WDR20: variants seen among roughly 807,000 people sequenced by gnomAD.
WDR20 encodes the protein WD repeat-containing protein 20.
A neutral mutation model predicts 38.7 loss-of-function variants in WDR20; 3 were observed. The observed-to-expected ratio is 0.08, with a 90% CI of 0.04 to 0.20. WDR20 has a LOEUF of 0.20. Ranked by LOEUF, WDR20 falls within the 10% of genes least tolerant of loss-of-function variation. The probability of loss-of-function intolerance (pLI) is 1.00; values close to 1 mark genes in which losing one functional copy is unlikely to be tolerated. For missense variants in WDR20, 559 were observed against 727.7 expected, an observed-to-expected ratio of 0.77 and a Z score of 2.67; for synonymous variants, 298 against 285.6, an observed-to-expected ratio of 1.04 and a Z score of -0.44.
intron 1 of WDR20, among the ~76,000 whole-genome samples, chr14:102,160,378 A>G (rs942281038): frequency 6.6e-6 from 1 of 152,126 alleles, no homozygotes; most frequent in Non-Finnish European, 1.5e-5. Flanking sequence ...TCCTCTAACT[A>G]TAGATAATAT....
At chr14:102,214,081 A>G (rs1359351348), downstream of WDR20, 3 of 985,464 alleles carry the variant, frequency 3.0e-6, no homozygotes, top group South Asian at 9.4e-5. Context: ...GGGTTGCACC[A>G]TGGCGGCGGT....
intron 1 of WDR20, among the ~76,000 whole-genome samples, chr14:102,174,507 C>T (rs1349535366): frequency 6.6e-6 from 1 of 152,232 alleles, no homozygotes; most frequent in Non-Finnish European, 1.5e-5. Flanking sequence ...GCAACCTCCA[C>T]CTCCTGGGTT....
intron 1 of WDR20, among the ~76,000 whole-genome samples, chr14:102,151,244 A>G (rs1243124135): frequency 2.1e-5 from 3 of 143,742 alleles, no homozygotes; most frequent in Non-Finnish European, 4.5e-5. Flanking sequence ...GAAGGGCTAC[A>G]GTAGAGCCTG....
upstream of WDR20, chr14:102,139,696 G>A (rs928553976): frequency 1.2e-5 from 8 of 684,560 alleles, no homozygotes; most frequent in East Asian, 1.4e-4. Flanking sequence ...CGGGGGAGGA[G>A]CCTGCGGACG....
intron 1 of WDR20, chr14:102,171,576 G>T (rs898349720): frequency 6.6e-6 from 1 of 151,858 alleles, no homozygotes; most frequent in Non-Finnish European, 1.5e-5. Context: ...GTCTTGTCTG[G>T]AGAGTAATTT....
chr14:102,150,493 G>A (rs1241760902), intron 1 of WDR20, among the ~76,000 whole-genome samples: 3 of 152,134 alleles, frequency 2.0e-5, no homozygotes, highest in Non-Finnish European at 4.4e-5. Context: ...GAATAATTCA[G>A]TAAGAGGGAA....
chr14:102,224,717 T>G, downstream of WDR20: 1 of 456,068 alleles, frequency 2.2e-6, no homozygotes, highest in Non-Finnish European at 4.4e-6. Context: ...AGTTACAGCT[T>G]GAGTTCTCAG....
chr14:102,180,107 T>G (rs1011688551), intron 1 of WDR20, among the ~76,000 whole-genome samples: 1 of 152,188 alleles, frequency 6.6e-6, no homozygotes, highest in East Asian at 1.9e-4. Flanking sequence ...CAGCTGAGAC[T>G]GCACTCCAGC....
intron 1 of WDR20, among the ~76,000 whole-genome samples, chr14:102,142,881 T>G (rs2051959923): frequency 6.7e-6 from 1 of 150,280 alleles, no homozygotes; most frequent in Non-Finnish European, 1.5e-5. Flanking sequence ...TCAACTTAAG[T>G]CTGTGTGTAA....
At chr14:102,183,712 G>A (rs937912874) in intron 1 of WDR20, among the ~76,000 whole-genome samples, 2 of 152,174 alleles carry the variant, frequency 1.3e-5, no homozygotes, top group Admixed American at 6.5e-5. Context: ...ACTTAGGGCC[G>A]TTTTCACTTA....
At chr14:102,191,722 T>TC (rs904692200) in intron 1 of WDR20, among the ~76,000 whole-genome samples, 2 of 152,218 alleles carry the variant, frequency 1.3e-5, no homozygotes, top group Non-Finnish European at 2.9e-5. Flanking sequence ...CTTCTGCTGT[T>TC]CCCGTTTGGT....
chr14:102,224,036 GAT>G (rs1491139992), downstream of WDR20, among the ~76,000 whole-genome samples: 5 of 139,442 alleles, frequency 3.6e-5, no homozygotes, highest in African/African-American at 1.3e-4. Context: ...GTTTACCTGA[GAT>G]TTTTTTTTTT....
intron 1 of WDR20, among the ~76,000 whole-genome samples, chr14:102,160,966 AAG>A (rs1491285957): frequency 4.8e-5 from 7 of 144,892 alleles, no homozygotes; most frequent in Non-Finnish European, 1.1e-4. Context: ...AAAAAAAAAA[AAG>A]AATAATGCTG....
At chr14:102,179,860 T>C (rs2062990911) in intron 1 of WDR20, among the ~76,000 whole-genome samples, 1 of 151,272 alleles carries the variant, frequency 6.6e-6, no homozygotes, top group Non-Finnish European at 1.5e-5. Context: ...CTATTAATAA[T>C]GATAACAGTT....
intron 2 of WDR20, among the ~76,000 whole-genome samples, chr14:102,204,106 G>C (rs1323173630): frequency 6.6e-6 from 1 of 152,166 alleles, no homozygotes; most frequent in African/African-American, 2.4e-5. Flanking sequence ...TGGCCCTGCA[G>C]GCTGGTCGTC....
chr14:102,213,104 G>C (rs961850169), downstream of WDR20: 8 of 986,234 alleles, frequency 8.1e-6, no homozygotes, highest in Non-Finnish European at 9.6e-6. Flanking sequence ...GCTTCAACTC[G>C]CCCTCCTTGG....
intron 1 of WDR20, among the ~76,000 whole-genome samples, chr14:102,166,220 C>G (rs1466675206): frequency 6.6e-6 from 1 of 151,572 alleles, no homozygotes; most frequent in African/African-American, 2.4e-5. Context: ...CTCAAGCGAT[C>G]TGCCCGTCTC....
At position 102,222,942 on chromosome 14, in the gene WDR20, G is replaced by C; in HGVS notation, c.*59G>C. 6.2e-7 allele frequency: 1 copy of C among 1,605,706 alleles called. No homozygotes were observed. The highest frequency in any genetic ancestry group is 1.3e-5 in the African/African-American group (1 of 74,866). ...CTTGGACTCGAGGGAGTGACGAGGA[G>C]GAGCTCCGAGCTGCGCCTGAGCCGT... On this transcript the variant is annotated 3_prime_UTR_variant, in exon 4 of 4. Transcript: ENST00000335263. This position sits in a 1 kb window ranked among gnomAD's most constrained non-coding sequence, Gnocchi z 4.4.
chr14:102,146,097 T>G (rs2053554952), intron 1 of WDR20, among the ~76,000 whole-genome samples: 1 of 152,054 alleles, frequency 6.6e-6, no homozygotes, highest in African/African-American at 2.4e-5. Context: ...GTGGGGTGTT[T>G]GGGAAAGCAA....
Sources: gnomAD v4.1 joint callset for allele counts (sites outside exome capture counted in the v4.1 genomes callset) on GRCh38, gnomAD v4.1.1 for gene constraint, Gnocchi (gnomAD v3.1) non-coding constraint, MANE v1.5 for transcripts, NCBI Gene and HGNC (gene_info 2026-07-23, HGNC 2026-07-21) for gene names.